The following AR variants were observed in gnomAD, a reference collection of about 807,000 sequenced individuals.
AR encodes the protein androgen receptor.
A neutral mutation model predicts 53.9 loss-of-function variants in AR; 8 were observed. The observed-to-expected ratio is 0.15, with a 90% CI of 0.09 to 0.27. The LOEUF is 0.27. AR is among the 10% of genes least tolerant of loss of function. The probability of loss-of-function intolerance (pLI) is 1.00; values close to 1 mark genes in which losing one functional copy is unlikely to be tolerated. For missense variants in AR, 639 were observed against 742.5 expected, an observed-to-expected ratio of 0.86 and a Z score of 1.62; for synonymous variants, 359 against 316.4, an observed-to-expected ratio of 1.13 and a Z score of -1.43.
intron 2 of AR, among the ~76,000 whole-genome samples, chrX:67,678,082 G>A (rs1404892206): frequency 9.1e-6 from 1 of 110,304 alleles, no homozygotes; most frequent in Non-Finnish European, 1.9e-5. Flanking sequence ...CTGTAAAATA[G>A]GGGGGTATGA....
chrX:67,631,948 C>A (rs1925151749), intron 1 of AR, among the ~76,000 whole-genome samples: 1 of 113,014 alleles, frequency 8.8e-6, no homozygotes, highest in African/African-American at 3.2e-5. Flanking sequence ...AGTTAGGCTG[C>A]TCAGGGGTCA....
intron 1 of AR, among the ~76,000 whole-genome samples, chrX:67,611,506 C>A (rs1680368768): frequency 9.0e-6 from 1 of 111,471 alleles, no homozygotes; most frequent in Admixed American, 9.5e-5. Flanking sequence ...ATACTTTTTC[C>A]AATTTATCTT....
chrX:67,703,880 G>A (rs2147515872), intron 3 of AR, among the ~76,000 whole-genome samples: 1 of 111,432 alleles, frequency 9.0e-6, no homozygotes, highest in South Asian at 3.8e-4. Context: ...CCACCTGTGA[G>A]TGAGAACATG....
intron 2 of AR, among the ~76,000 whole-genome samples, chrX:67,651,221 G>C (rs1315949840): frequency 2.3e-5 from 2 of 85,976 alleles, no homozygotes; most frequent in African/African-American, 7.7e-5. Context: ...TTTTTTTTCT[G>C]TATTTTTAGT....
At chrX:67,607,567 A>G (rs1036930167) in intron 1 of AR, among the ~76,000 whole-genome samples, 5 of 112,300 alleles carry the variant, frequency 4.5e-5, no homozygotes, top group Non-Finnish European at 9.4e-5. Context: ...GGTTCTTAAG[A>G]CAGCTGTTGT....
intron 1 of AR, among the ~76,000 whole-genome samples, chrX:67,601,401 G>A (rs1410524565): frequency 7.2e-5 from 8 of 111,733 alleles, no homozygotes; most frequent in Admixed American, 6.7e-4. Context: ...TAAATGCTAT[G>A]TATTTTGTAC....
At chrX:67,585,658 C>T (rs1190495682) in intron 1 of AR, among the ~76,000 whole-genome samples, 1 of 112,009 alleles carries the variant, frequency 8.9e-6, no homozygotes, top group African/African-American at 3.2e-5. Context: ...ATAACCATAG[C>T]CTATCTTTGT....
chrX:67,651,403 C>G (rs1926337822), intron 2 of AR, among the ~76,000 whole-genome samples: 1 of 110,846 alleles, frequency 9.0e-6, no homozygotes, highest in African/African-American at 3.3e-5. Context: ...AACTTCGCAA[C>G]TTTCTTGGTA....
intron 3 of AR, among the ~76,000 whole-genome samples, chrX:67,708,701 A>G (rs1303239252): frequency 8.9e-6 from 1 of 112,083 alleles, no homozygotes; most frequent in African/African-American, 3.2e-5. Flanking sequence ...GTTCCTTTGG[A>G]GGAGAAGAGG....
intron 1 of AR, among the ~76,000 whole-genome samples, chrX:67,627,062 G>C (rs1924705189): frequency 9.2e-6 from 1 of 108,419 alleles, no homozygotes; most frequent in African/African-American, 3.4e-5. Flanking sequence ...CCAAGTCTTT[G>C]CTATTGTGAA....
intron 2 of AR, among the ~76,000 whole-genome samples, chrX:67,665,396 A>T (rs1419886159): frequency 8.9e-6 from 1 of 112,620 alleles, no homozygotes; most frequent in Non-Finnish European, 1.9e-5. Flanking sequence ...CCATTAGTAA[A>T]TACTGAGGGA....
rs138472575 is a variant in AR, at chrX:67,729,102, C to T, written c.*5261C>T. The T allele has an allele frequency of 2.3e-3, 396 of 174,803 alleles. 1 individual carries two copies. The highest frequency in any genetic ancestry group is 0.011 in the African/African-American group (372 of 34,187). The allele number at this position is 174,803 out of a possible 1,213,427, so 14.4% of individuals were successfully genotyped here. ...GCGCTCTATCTTTCACACAAATTCCCTCACCTGAGATTGAGGTGCTCTTGT... is the reference window on the plus strand; with the variant it reads ...GCGCTCTATCTTTCACACAAATTCCTTCACCTGAGATTGAGGTGCTCTTGT... On this transcript the variant is annotated 3_prime_UTR_variant, in exon 8 of 8. Transcript: ENST00000374690.
rs761697885 is a variant in AR, at chrX:67,721,861, A to G, written c.2347A>G (p.Ser783Gly). 4 of 1,208,448 alleles carry G rather than the reference A, an allele frequency of 3.3e-6. No individual in the cohort carries two copies. The highest frequency in any genetic ancestry group is 1.8e-5 in the African/African-American group (1 of 56,709). The change falls in exon 6 of 8, where the codon AGC becomes GGC. Residue 783 changes from serine to glycine, a missense_variant. Coordinates refer to ENST00000374690, the MANE Select transcript of AR (RefSeq NM_000044.6). Reference sequence around the variant, plus strand: ...CCGCATGCACAAGTCCCGGATGTACAGCCAGTGTGTCCGAATGAGGCACCT... The same window carrying G: ...CCGCATGCACAAGTCCCGGATGTACGGCCAGTGTGTCCGAATGAGGCACCT... ...EYRMHKSRMY[S>G]QCVRMRHLSQ...
At chrX:67,550,553 G>T (rs1240402155) in intron 1 of AR, among the ~76,000 whole-genome samples, 1 of 109,630 alleles carries the variant, frequency 9.1e-6, no homozygotes, top group Non-Finnish European at 1.9e-5. Context: ...AAGATCACCA[G>T]TTTCATTCGG....
rs2147524778 is a variant in AR, at chrX:67,711,562, G to A, written c.2046G>A (p.Glu682=). ...PIFLNVLEAI[E]PGVVCAGHDN... ...TTCTGAATGTCCTGGAAGCCATTGA[G>A]CCAGGTGTAGTGTGTGCTGGACACG... The change falls in exon 4 of 8, where the codon GAG becomes GAA. Residue 682 remains glutamate, a synonymous_variant. Transcript: ENST00000374690. 1 of 1,211,708 alleles carries A rather than the reference G, an allele frequency of 8.3e-7. No individual in the cohort carries two copies. The highest frequency in any genetic ancestry group is 3.0e-5 in the East Asian group (1 of 33,821).
intron 7 of AR, among the ~76,000 whole-genome samples, chrX:67,723,322 G>C (rs1302290311): frequency 3.0e-5 from 3 of 99,494 alleles, no homozygotes; most frequent in South Asian, 5.0e-4. Flanking sequence ...CTGTGTGTGT[G>C]TGTGTGTGTG....
At chrX:67,581,551 G>A (rs1922299076) in intron 1 of AR, among the ~76,000 whole-genome samples, 2 of 111,212 alleles carry the variant, frequency 1.8e-5, no homozygotes, top group Admixed American at 1.9e-4. Flanking sequence ...AGAGGTTTAT[G>A]GTTATAATTA....
At chrX:67,723,632 CA>C in intron 7 of AR, 53 bp from the exon 8 acceptor site, 1 of 1,186,639 alleles carries the variant, frequency 8.4e-7, no homozygotes, top group African/African-American at 1.8e-5. Flanking sequence ...AAGAGGCTAG[CA>C]GAGGCCACCT....
At chrX:67,714,194 A>G (rs1220198813) in intron 4 of AR, among the ~76,000 whole-genome samples, 1 of 111,844 alleles carries the variant, frequency 8.9e-6, no homozygotes, top group East Asian at 2.8e-4. Context: ...AATCCTAGCT[A>G]TGGACTAGTT....
Sources: allele counts gnomAD v4.1 joint callset (sites outside exome capture counted in the v4.1 genomes callset), GRCh38; gene constraint gnomAD v4.1.1; transcripts MANE v1.5; gene names NCBI Gene and HGNC (gene_info 2026-07-23, HGNC 2026-07-21).